The following ACTR3C variants were observed in gnomAD, a reference collection of about 807,000 sequenced individuals.
The protein encoded by ACTR3C is actin-related protein 3C.
A neutral mutation model predicts 26.3 loss-of-function variants in ACTR3C; 18 were observed. That is an observed-to-expected ratio of 0.68 (90% CI 0.47 to 1.01). ACTR3C has a LOEUF of 1.01. Ranked by LOEUF, ACTR3C falls within the 50% of genes least tolerant of loss-of-function variation. The pLI is 0.00. For synonymous variants in ACTR3C, 55 were observed against 94.5 expected (o/e 0.58, Z 2.42); for missense variants, 184 against 250.7 (o/e 0.73, Z 1.80).
the ACTR3C span, among the ~76,000 whole-genome samples, chr7:149,985,606 C>G: frequency 1.3e-5 from 2 of 152,246 alleles, no homozygotes; most frequent in Non-Finnish European, 1.5e-5. Context: ...TGCTACTGAA[C>G]ACGTGCTCTC....
intron 3 of ACTR3C, among the ~76,000 whole-genome samples, chr7:150,292,275 C>A (rs1836333364): frequency 6.6e-6 from 1 of 152,008 alleles, no homozygotes; most frequent in South Asian, 2.1e-4. Flanking sequence ...GGAGAAAGAC[C>A]AGGATGAGTC....
the ACTR3C span, among the ~76,000 whole-genome samples, chr7:150,035,821 C>A: frequency 7.5e-6 from 1 of 133,966 alleles, no homozygotes; most frequent in Admixed American, 7.1e-5. Context: ...GCTCTCAGTC[C>A]CTGCCTTGCG....
the ACTR3C span, among the ~76,000 whole-genome samples, chr7:150,171,364 A>T: frequency 6.6e-6 from 1 of 150,520 alleles, no homozygotes; most frequent in Admixed American, 6.6e-5. Flanking sequence ...ACCCCTTTAA[A>T]TAATCTGTAT....
the ACTR3C span, among the ~76,000 whole-genome samples, chr7:150,103,231 T>A: frequency 1.3e-5 from 2 of 152,056 alleles, no homozygotes; most frequent in South Asian, 4.1e-4. Context: ...ATGGGATGAA[T>A]GAAACTGACA....
the ACTR3C span, among the ~76,000 whole-genome samples, chr7:150,035,136 T>C: frequency 7.7e-5 from 10 of 130,502 alleles, no homozygotes; most frequent in African/African-American, 2.3e-4. Context: ...CTAAGGATCT[T>C]AGGATCAACG....
the ACTR3C span, among the ~76,000 whole-genome samples, chr7:150,055,492 T>G: frequency 2.1e-5 from 2 of 96,972 alleles, no homozygotes; most frequent in African/African-American, 4.1e-5. Context: ...AGGGAGGGAG[T>G]TTTTTTTTTT....
At chr7:150,050,844 C>T in the ACTR3C span, among the ~76,000 whole-genome samples, 1 of 151,532 alleles carries the variant, frequency 6.6e-6, no homozygotes, top group African/African-American at 2.4e-5. Context: ...CGGTGGCTCA[C>T]GCCTGTAATC....
chr7:149,983,449 G>GTGTGTATATACATATATATATATATA, the ACTR3C span, among the ~76,000 whole-genome samples: 1 of 23,324 alleles, frequency 4.3e-5, no homozygotes, highest in East Asian at 2.7e-3. Context: ...GTGTGTGTGT[G>GTGTGTATATACATATATATATATATA]TATATATATA....
At chr7:149,928,620 T>A in the ACTR3C span, among the ~76,000 whole-genome samples, 1 of 151,820 alleles carries the variant, frequency 6.6e-6, no homozygotes, top group Admixed American at 6.6e-5. Context: ...GGTGGGCAGA[T>A]CACCTGAGGT....
At chr7:150,232,057 T>C in the ACTR3C span, among the ~76,000 whole-genome samples, 2 of 152,162 alleles carry the variant, frequency 1.3e-5, no homozygotes, top group African/African-American at 4.8e-5. Flanking sequence ...GCTCTGTTGT[T>C]AGGTGAATAA....
At chr7:149,906,138 C>G in the ACTR3C span, among the ~76,000 whole-genome samples, 23,414 of 151,934 alleles carry the variant, frequency 0.15, 1,980 homozygotes, top group East Asian at 0.36. Flanking sequence ...AAAGACCAGG[C>G]AGAAAGTTAT....
At chr7:150,113,750 C>T in the ACTR3C span, among the ~76,000 whole-genome samples, 1 of 152,198 alleles carries the variant, frequency 6.6e-6, no homozygotes, top group East Asian at 1.9e-4. Flanking sequence ...TTTTTAAATG[C>T]TTACTTTCTA....
At chr7:149,969,252 C>T in the ACTR3C span, among the ~76,000 whole-genome samples, 1 of 139,266 alleles carries the variant, frequency 7.2e-6, no homozygotes, top group African/African-American at 2.6e-5. Flanking sequence ...ATGATTCCTT[C>T]CCATCCTCAG....
the ACTR3C span, among the ~76,000 whole-genome samples, chr7:150,143,831 T>A: frequency 2.6e-5 from 4 of 152,132 alleles, no homozygotes; most frequent in African/African-American, 9.7e-5. Context: ...CTGACTCCCA[T>A]TGGCTGAACT....
the ACTR3C span, among the ~76,000 whole-genome samples, chr7:150,108,293 G>T: frequency 1.3e-5 from 2 of 149,766 alleles, no homozygotes; most frequent in African/African-American, 5.0e-5. Context: ...TATTATAAGT[G>T]TCAAAGATGG....
intron 1 of ACTR3C, among the ~76,000 whole-genome samples, chr7:150,318,408 T>G (rs950411289): frequency 4.6e-5 from 7 of 152,228 alleles, no homozygotes; most frequent in African/African-American, 1.7e-4. Flanking sequence ...TGTTTTAGGC[T>G]ACCCTGTTTG....
the ACTR3C span, among the ~76,000 whole-genome samples, chr7:150,003,645 TG>T: frequency 6.6e-6 from 1 of 152,124 alleles, no homozygotes; most frequent in Non-Finnish European, 1.5e-5. Context: ...GTAATGCGTG[TG>T]GGGTTTGGAG....
At chr7:150,288,048 C>T (rs1363602294) in intron 4 of ACTR3C, among the ~76,000 whole-genome samples, 2 of 145,992 alleles carry the variant, frequency 1.4e-5, no homozygotes, top group Non-Finnish European at 1.5e-5. Context: ...TAAGGGGAAG[C>T]GGGGGGAGCT....
the ACTR3C span, among the ~76,000 whole-genome samples, chr7:150,069,780 G>T: frequency 6.6e-6 from 1 of 151,376 alleles, no homozygotes; most frequent in Admixed American, 6.5e-5. Context: ...GAGACATGCA[G>T]ACACTCTGAA....
Sources: gnomAD v4.1 joint callset for allele counts (sites outside exome capture counted in the v4.1 genomes callset) on GRCh38, gnomAD v4.1.1 for gene constraint, MANE v1.5 for transcripts, NCBI Gene and HGNC (gene_info 2026-07-23, HGNC 2026-07-21) for gene names.